Variants in CCDC14 observed in about 807,000 individuals in gnomAD.
CCDC14 encodes the protein coiled-coil domain-containing protein 14.
A neutral mutation model predicts 81.4 loss-of-function variants in CCDC14; 71 were observed. The observed-to-expected ratio is 0.87, with a 90% CI of 0.72 to 1.06. CCDC14 has a LOEUF of 1.06. Among genes scored for constraint, CCDC14 ranks in the 50% least tolerant of loss-of-function variants. The pLI, the probability that CCDC14 is intolerant of heterozygous loss-of-function variation, is 0.00. For synonymous variants in CCDC14, 332 were observed against 364.8 expected, an observed-to-expected ratio of 0.91 and a Z score of 1.03; for missense variants, 1,046 against 1,047.3, an observed-to-expected ratio of 1.00 and a Z score of 0.02.
chr3:123,947,964 T>C (rs2332664), intron 7 of CCDC14, among the ~76,000 whole-genome samples: 17,120 of 152,106 alleles, frequency 0.11, 2,142 homozygotes, highest in East Asian at 0.42. Flanking sequence ...TTAATAAACA[T>C]GTTTTTAATA....
rs1559809122 is a variant in CCDC14, at chr3:123,956,301, GCTA to G, written c.159+51_159+53del. 23 of 1,355,080 alleles carry G rather than the reference GCTA, an allele frequency of 1.7e-5. No individual in the cohort carries two copies. The South Asian group carries it at 2.9e-4, about 17-fold the overall frequency. The allele number at this position is 1,355,080 out of a possible 1,614,324, so 83.9% of individuals were successfully genotyped here. A position where few individuals can be genotyped will look rare whatever the true frequency, so the allele number is the denominator to read the frequency against. ...CTTTGCATTTTATTCCTACTTTTTA[GCTA>G]CTATTTGAAAACTAATTAAAATAGT... On this transcript the variant is annotated intron_variant, in intron 3 of 12. Coordinates refer to ENST00000409697, the MANE Select transcript of CCDC14 (RefSeq NM_001366335.1).
intron 5 of CCDC14, chr3:123,953,061 A>G (rs947557208): frequency 3.8e-5 from 6 of 156,080 alleles, no homozygotes; most frequent in African/African-American, 1.4e-4. Context: ...TGTAATCCAA[A>G]TAAGAATTTA....
rs1348404837 is a variant in CCDC14, at chr3:123,913,736, C to T, written c.*1043G>A. The T allele has an allele frequency of 1.0e-6, 1 of 983,384 alleles. No individual in the cohort carries two copies. Among genetic ancestry groups the T allele is most frequent in the Non-Finnish European group, 1.2e-6 (1 of 829,636 alleles). 60.9% of individuals were successfully genotyped at this position (983,384 alleles called of 1,614,324 possible). On this transcript the variant is annotated 3_prime_UTR_variant, in exon 13 of 13. Transcript: ENST00000409697. ...AGGAGGTTCTGGGATTAGGAGAACA[C>T]TCTTTAATGATAAAGCCTGTCCAAG...
downstream of CCDC14, among the ~76,000 whole-genome samples, chr3:123,912,629 G>C (rs1022907084): frequency 2.6e-5 from 4 of 151,714 alleles, no homozygotes; most frequent in African/African-American, 9.7e-5. Context: ...TTTCTAAATG[G>C]TCTCCAGTCT....
In CCDC14 at chr3:123,961,027, T is replaced by C. The variant is rs1438533805; in HGVS notation, c.30+117A>G. 17 of 913,756 alleles carry C rather than the reference T, an allele frequency of 1.9e-5. No individual in the cohort carries two copies. In the East Asian group the frequency reaches 3.5e-4, roughly 19 times the overall value. 56.6% of individuals were successfully genotyped at this position (913,756 alleles called of 1,614,324 possible). A position where few individuals can be genotyped will look rare whatever the true frequency, so the allele number is the denominator to read the frequency against. On this transcript the variant is annotated intron_variant, in intron 1 of 12. Coordinates refer to ENST00000409697, the MANE Select transcript of CCDC14 (RefSeq NM_001366335.1). Reference sequence around the variant, plus strand: ...TCCCTGCACCTCTGTCCCAGCACTTTAATGTCGCCGCATTGTCTTTGTCTT... The same window carrying C: ...TCCCTGCACCTCTGTCCCAGCACTTCAATGTCGCCGCATTGTCTTTGTCTT...
chr3:123,957,316 T>G (rs1408447664), intron 1 of CCDC14: 1 of 152,120 alleles, frequency 6.6e-6, no homozygotes, highest in Non-Finnish European at 1.5e-5. Flanking sequence ...GATACTATTT[T>G]AAACCAGAAG....
At chr3:123,897,838 C>T (rs1181187226) in intron 5 of CCDC14, among the ~76,000 whole-genome samples, 12 of 152,090 alleles carry the variant, frequency 7.9e-5, no homozygotes, top group Non-Finnish European at 1.5e-5. Flanking sequence ...GATCTGAAAA[C>T]CCAGCACATC....
chr3:123,895,311 A>G (rs891082683), downstream of CCDC14, among the ~76,000 whole-genome samples: 2 of 152,170 alleles, frequency 1.3e-5, no homozygotes, highest in African/African-American at 4.8e-5. Context: ...TTAAAAATAA[A>G]TAAATAAATA....
the CCDC14 span, among the ~76,000 whole-genome samples, chr3:123,891,235 C>G: frequency 1.3e-5 from 2 of 152,234 alleles, no homozygotes; most frequent in Admixed American, 6.5e-5. Flanking sequence ...ACAAAGGTCT[C>G]TGACATGGCC....
In CCDC14 at chr3:123,915,020, G is replaced by C. The variant is rs769097165; in HGVS notation, c.2477C>G (p.Pro826Arg). 1 of 1,613,978 alleles carries C rather than the reference G, an allele frequency of 6.2e-7. No homozygotes were observed. Among genetic ancestry groups the C allele is most frequent in the Non-Finnish European group, 8.5e-7 (1 of 1,179,886 alleles). The stretch of plus-strand genomic sequence containing the variant: ...GCCATGACATGCAGTTTGTTCCTCT[G>C]GCTCCTTGGTGGCAGCAGGGATCTT... ...IGKIPAATKE[P>R]EEQTACHGPS... The change falls in exon 13 of 13, where the codon CCA becomes CGA. Residue 826 changes from proline (P) to arginine (R), a missense_variant. Coordinates refer to ENST00000409697, the MANE Select transcript of CCDC14 (RefSeq NM_001366335.1).
Position 123,915,557 on chromosome 3 carries a change from T to A in CCDC14, c.1940A>T (p.Asn647Ile), listed in dbSNP as rs781115664. ...AAAACTGTAATTTGTTTCTAACTTA[T>A]TTAGATAGCTCATTATGGAAGTGTG... ...PAHTSIMSYL[N>I]KLETNYSFTH... Residue 647 changes from asparagine (N) to isoleucine (I), a missense_variant, in exon 13 of 13, where the codon AAT (asparagine) becomes ATT (isoleucine). Transcript: ENST00000409697. 6.2e-7 allele frequency: 1 copy of A among 1,613,896 alleles called. No individual in the cohort carries two copies. Among genetic ancestry groups the A allele is most frequent in the African/African-American group, 1.3e-5 (1 of 74,930 alleles).
chr3:123,944,501 C>T (rs2036525365), intron 9 of CCDC14, among the ~76,000 whole-genome samples: 1 of 152,074 alleles, frequency 6.6e-6, no homozygotes, highest in Admixed American at 6.6e-5. Context: ...TTAGTCTTGG[C>T]ATGAGGGAGA....
chr3:123,924,714 C>T (rs950871562), intron 12 of CCDC14, among the ~76,000 whole-genome samples: 19 of 152,088 alleles, frequency 1.2e-4, no homozygotes, highest in Admixed American at 1.1e-3. Flanking sequence ...TATCATCTCA[C>T]ACCTGTCAGA....
chr3:123,908,593 T>G (rs761434873), downstream of CCDC14, among the ~76,000 whole-genome samples: 1 of 152,206 alleles, frequency 6.6e-6, no homozygotes, highest in Non-Finnish European at 1.5e-5. Flanking sequence ...TCCTCAAATT[T>G]TGGCCAAAGA....
chr3:123,953,203 T>C (rs2037130576), intron 5 of CCDC14: 1 of 152,566 alleles, frequency 6.6e-6, no homozygotes, highest in African/African-American at 2.4e-5. Context: ...TATGTCTTGC[T>C]GTATATACCA....
At chr3:123,903,462 T>A (rs1296901264) in intron 5 of CCDC14, among the ~76,000 whole-genome samples, 1 of 152,084 alleles carries the variant, frequency 6.6e-6, no homozygotes, top group Non-Finnish European at 1.5e-5. Context: ...GCAAGATCTG[T>A]TTTTCAAAAT....
At chr3:123,906,862 G>A (rs1354367367) in intron 5 of CCDC14, among the ~76,000 whole-genome samples, 1 of 152,134 alleles carries the variant, frequency 6.6e-6, no homozygotes, top group African/African-American at 2.4e-5. Context: ...ACCTTGACTT[G>A]CTTTCAATTT....
intron 9 of CCDC14, 94 bp downstream of exon 9, chr3:123,944,755 T>C (rs2036535931): frequency 2.4e-6 from 2 of 836,024 alleles, no homozygotes; most frequent in Non-Finnish European, 3.4e-6. Flanking sequence ...AAATAAATTT[T>C]ACTTATGAAG....
intron 5 of CCDC14, among the ~76,000 whole-genome samples, chr3:123,908,300 G>A (rs369824980): frequency 1.1e-4 from 16 of 152,114 alleles, no homozygotes; most frequent in Admixed American, 5.2e-4. Context: ...CTTTGAGATC[G>A]TATCTCCTCA....
Sources: allele counts gnomAD v4.1 joint callset (sites outside exome capture counted in the v4.1 genomes callset), GRCh38; gene constraint gnomAD v4.1.1; transcripts MANE v1.5; gene names NCBI Gene and HGNC (gene_info 2026-07-23, HGNC 2026-07-21).